Variants in FILIP1L observed in about 807,000 individuals in gnomAD.
FILIP1L encodes the protein filamin A interacting protein 1 like, also known as filamin A-interacting protein 1-like.
FILIP1L carries 55 observed loss-of-function variants against 96.6 expected under a neutral mutation model. That is an observed-to-expected ratio of 0.57 (90% CI 0.46 to 0.71). The LOEUF (loss-of-function observed/expected upper bound fraction) is 0.71, where lower values mean the gene tolerates loss of function less well. Ranked by LOEUF, FILIP1L falls within the 30% of genes least tolerant of loss-of-function variation. FILIP1L has a pLI of 0.00. For missense variants in FILIP1L, 1,304 were observed against 1,321.2 expected (o/e 0.99, Z 0.20); for synonymous variants, 467 against 473.9 (o/e 0.99, Z 0.19).
In FILIP1L at chr3:100,071,905, T is replaced by A. The variant is rs114888728; in HGVS notation, c.-11+42148A>T. Among the ~76,000 whole-genome samples, 760 of 152,306 alleles carry A rather than the reference T, an allele frequency of 5.0e-3. 5 individuals are homozygous for A. Among genetic ancestry groups the A allele is most frequent in the African/African-American group, 0.017 (715 of 41,562 alleles). ...TCAACCAGGTGTCTTCAGGGGGACT[T>A]TGCCATATCAGCTAATTACATTTTT... On this transcript the variant is annotated intron_variant, in intron 1 of 5. Coordinates refer to ENST00000477258, the MANE Select transcript of FILIP1L (RefSeq NM_001387850.1).
At chr3:100,113,465 TTC>T (rs1434515141) in intron 1 of FILIP1L, among the ~76,000 whole-genome samples, 1 of 152,222 alleles carries the variant, frequency 6.6e-6, no homozygotes, top group Non-Finnish European at 1.5e-5. Flanking sequence ...AGAAACCTGC[TTC>T]TGTTCTCTGG....
intron 5 of FILIP1L, among the ~76,000 whole-genome samples, chr3:99,834,255 T>C (rs1194125519): frequency 1.3e-5 from 2 of 152,264 alleles, no homozygotes; most frequent in African/African-American, 4.8e-5. Context: ...TATTAGCTCA[T>C]TCTCATTAAC....
intron 1 of FILIP1L, among the ~76,000 whole-genome samples, chr3:99,982,327 C>G (rs114666899): frequency 0.012 from 1,836 of 151,930 alleles, 24 homozygotes; most frequent in African/African-American, 0.027. Context: ...CTTTCATTCA[C>G]CATTAGGTAA....
chr3:100,088,329 G>A (rs1204901808), intron 1 of FILIP1L, among the ~76,000 whole-genome samples: 3 of 151,992 alleles, frequency 2.0e-5, no homozygotes, highest in Admixed American at 6.6e-5. Context: ...TCAGTGTAAC[G>A]CTCAGACATT....
At chr3:99,863,305 G>A (rs1186329901) in intron 4 of FILIP1L, among the ~76,000 whole-genome samples, 1 of 152,190 alleles carries the variant, frequency 6.6e-6, no homozygotes, top group Non-Finnish European at 1.5e-5. Context: ...CAGTAATGCT[G>A]CCTCATCCCG....
chr3:99,833,047 C>T (rs1484137465), intron 5 of FILIP1L: 1 of 609,368 alleles, frequency 1.6e-6, no homozygotes, highest in African/African-American at 1.9e-5. Flanking sequence ...TCTTTTAAGA[C>T]CACACAGTGA....
intron 4 of FILIP1L, among the ~76,000 whole-genome samples, chr3:99,894,477 G>C (rs1449997795): frequency 6.6e-6 from 1 of 152,084 alleles, no homozygotes; most frequent in Non-Finnish European, 1.5e-5. Context: ...TTGGTTTTTT[G>C]ATACTTCTAA....
chr3:99,940,386 G>A (rs1204778175), intron 1 of FILIP1L, among the ~76,000 whole-genome samples: 1 of 152,120 alleles, frequency 6.6e-6, no homozygotes, highest in Non-Finnish European at 1.5e-5. Flanking sequence ...TTCATGCTCT[G>A]GTTTTTCTTA....
chr3:100,025,037 T>G (rs2064893168), intron 1 of FILIP1L, among the ~76,000 whole-genome samples: 2 of 152,330 alleles, frequency 1.3e-5, no homozygotes, highest in Admixed American at 6.5e-5. Flanking sequence ...AGTTTTTGTG[T>G]TACTAATTAA....
intron 1 of FILIP1L, among the ~76,000 whole-genome samples, chr3:99,956,311 G>A (rs1473113704): frequency 6.6e-6 from 1 of 152,014 alleles, no homozygotes; most frequent in African/African-American, 2.4e-5. Flanking sequence ...TCCTGTCTTT[G>A]GAAGTATTGC....
intron 1 of FILIP1L, among the ~76,000 whole-genome samples, chr3:99,985,225 A>T (rs1262874676): frequency 6.6e-6 from 1 of 152,178 alleles, no homozygotes; most frequent in Non-Finnish European, 1.5e-5. Context: ...GGTTCTCTAA[A>T]ATTAGTCTCA....
intron 1 of FILIP1L, among the ~76,000 whole-genome samples, chr3:99,963,381 A>G (rs977937920): frequency 6.6e-6 from 1 of 152,170 alleles, no homozygotes; most frequent in African/African-American, 2.4e-5. Flanking sequence ...AGCCTGTGCT[A>G]TATAGGAAAA....
intron 1 of FILIP1L, among the ~76,000 whole-genome samples, chr3:99,931,977 G>C (rs1033609818): frequency 4.6e-5 from 7 of 152,124 alleles, no homozygotes; most frequent in Non-Finnish European, 7.4e-5. Flanking sequence ...ATCATCGCCA[G>C]TACCTTACTT....
At chr3:100,039,263 T>A (rs936555351) in intron 1 of FILIP1L, among the ~76,000 whole-genome samples, 1 of 152,216 alleles carries the variant, frequency 6.6e-6, no homozygotes, top group Non-Finnish European at 1.5e-5. Context: ...CTCAAAAAAC[T>A]GAGCAACCTT....
At position 99,849,217 on chromosome 3, in the gene FILIP1L, C is replaced by A. The variant is rs201546638; in HGVS notation, c.2459G>T (p.Arg820Leu). 3 of 1,614,106 alleles carry A rather than the reference C, an allele frequency of 1.9e-6. No individual in the cohort carries two copies. The South Asian group carries it at 3.3e-5, about 18-fold the overall frequency. Residue 820 changes from arginine to leucine, a missense_variant, in exon 5 of 6, where the codon CGT becomes CTT. By Grantham distance (102) the Arg-to-Leu change is moderately radical (BLOSUM62 -2). Transcript: ENST00000477258. ...ATATAACTGACCATTGATGACTGCA[C>A]GTTCCAGAGGAATGAGGCTCTTGTA... ...PDYKSLIPLE[R>L]AVINGQLYEE...
intron 1 of FILIP1L, among the ~76,000 whole-genome samples, chr3:99,986,857 G>C (rs1709356383): frequency 6.6e-6 from 1 of 152,180 alleles, no homozygotes; most frequent in Non-Finnish European, 1.5e-5. Flanking sequence ...GAGTTATTCA[G>C]ACCAAAATGT....
At chr3:99,928,731 G>A (rs780823084) in intron 3 of FILIP1L, among the ~76,000 whole-genome samples, 9 of 152,196 alleles carry the variant, frequency 5.9e-5, no homozygotes, top group Non-Finnish European at 1.3e-4. Flanking sequence ...TTGCATTTGA[G>A]CTCACAGGGG....
intron 1 of FILIP1L, among the ~76,000 whole-genome samples, chr3:100,044,680 T>G (rs1364722182): frequency 6.6e-6 from 1 of 152,122 alleles, no homozygotes. Flanking sequence ...GAGTAACCAT[T>G]GAAAGATTTT....
intron 4 of FILIP1L, among the ~76,000 whole-genome samples, chr3:99,861,994 A>G (rs1944283564): frequency 6.6e-6 from 1 of 152,206 alleles, no homozygotes; most frequent in South Asian, 2.1e-4. Flanking sequence ...AATCCATACA[A>G]AAAGTCCTTA....
Sources: allele counts gnomAD v4.1 joint callset (sites outside exome capture counted in the v4.1 genomes callset), GRCh38; gene constraint gnomAD v4.1.1; transcripts MANE v1.5; gene names NCBI Gene and HGNC (gene_info 2026-07-23, HGNC 2026-07-21).